CNTNAP2: variants seen among roughly 807,000 people sequenced by gnomAD.
CNTNAP2 encodes contactin-associated protein-like 2.
A neutral mutation model predicts 155.2 loss-of-function variants in CNTNAP2; 98 were observed. The observed-to-expected ratio is 0.63, with a 90% CI of 0.54 to 0.75. The LOEUF (loss-of-function observed/expected upper bound fraction) is 0.75. Ranked by LOEUF, CNTNAP2 falls within the 30% of genes least tolerant of loss-of-function variation. CNTNAP2 has a pLI of 0.00. For synonymous variants in CNTNAP2, 651 were observed against 631.2 expected, an observed-to-expected ratio of 1.03 and a Z score of -0.47; for missense variants, 1,727 against 1,688.1, an observed-to-expected ratio of 1.02 and a Z score of -0.40.
At chr7:147,983,193 G>A (rs146169700) in intron 15 of CNTNAP2, among the ~76,000 whole-genome samples, 72 of 152,200 alleles carry the variant, frequency 4.7e-4, no homozygotes, top group African/African-American at 1.7e-3. Context: ...AGTGAATAGG[G>A]ACTGAAGGAG....
intron 10 of CNTNAP2, among the ~76,000 whole-genome samples, chr7:147,449,234 C>T (rs1333595500): frequency 6.6e-6 from 1 of 152,014 alleles, no homozygotes; most frequent in African/African-American, 2.4e-5. Flanking sequence ...CATTTGCAGT[C>T]TATCTGTAAC....
chr7:147,186,554 T>A (rs1018814793), intron 8 of CNTNAP2, among the ~76,000 whole-genome samples: 2 of 152,068 alleles, frequency 1.3e-5, no homozygotes, highest in Admixed American at 6.6e-5. Flanking sequence ...TTTGGACCCT[T>A]TATAGAGGGA....
At chr7:146,356,640 A>G (rs1285227495) in intron 1 of CNTNAP2, among the ~76,000 whole-genome samples, 1 of 152,172 alleles carries the variant, frequency 6.6e-6, no homozygotes, top group Non-Finnish European at 1.5e-5. Flanking sequence ...ATGATGCAAA[A>G]TGGATAAATG....
intron 13 of CNTNAP2, among the ~76,000 whole-genome samples, chr7:147,848,604 GC>G (rs1563109760): frequency 1.3e-5 from 2 of 151,896 alleles, no homozygotes; most frequent in Non-Finnish European, 2.9e-5. Context: ...TTCCTATTCG[GC>G]CATCTTGGCT....
chr7:147,987,714 A>G (rs1801643303), intron 15 of CNTNAP2, among the ~76,000 whole-genome samples: 2 of 151,986 alleles, frequency 1.3e-5, no homozygotes, highest in South Asian at 4.1e-4. Flanking sequence ...TTATTTTTTG[A>G]GACAGAGTCT....
chr7:146,944,673 T>C (rs1277422130), intron 3 of CNTNAP2, among the ~76,000 whole-genome samples: 3 of 152,056 alleles, frequency 2.0e-5, no homozygotes, highest in Non-Finnish European at 2.9e-5. Flanking sequence ...GGTCATGAGA[T>C]GGAGACCATC....
chr7:146,172,469 A>G (rs1420350768), intron 1 of CNTNAP2, among the ~76,000 whole-genome samples: 1 of 152,134 alleles, frequency 6.6e-6, no homozygotes, highest in Non-Finnish European at 1.5e-5. Context: ...AGATTTCTCT[A>G]CATTCCAAAA....
At chr7:146,848,515 T>C (rs1451402339) in intron 3 of CNTNAP2, among the ~76,000 whole-genome samples, 1 of 152,116 alleles carries the variant, frequency 6.6e-6, no homozygotes, top group Non-Finnish European at 1.5e-5. Context: ...ACTGTTCAAA[T>C]AGAGAGGTGC....
intron 15 of CNTNAP2, among the ~76,000 whole-genome samples, chr7:148,093,576 G>T (rs1217379115): frequency 2.6e-5 from 4 of 152,190 alleles, no homozygotes; most frequent in Admixed American, 6.5e-5. Context: ...TCAGGAAGCT[G>T]GGGCCATGGA....
intron 1 of CNTNAP2, among the ~76,000 whole-genome samples, chr7:146,547,549 A>C (rs2129142089): frequency 6.6e-6 from 1 of 152,028 alleles, no homozygotes; most frequent in South Asian, 2.1e-4. Context: ...TGGCTATTTT[A>C]GGTACCTCCT....
At chr7:147,291,097 C>T (rs1189028395) in intron 8 of CNTNAP2, among the ~76,000 whole-genome samples, 1 of 152,040 alleles carries the variant, frequency 6.6e-6, no homozygotes, top group East Asian at 1.9e-4. Flanking sequence ...CACTTGTGCC[C>T]ACCTTCCCAT....
chr7:146,651,823 G>A (rs1049090669), intron 1 of CNTNAP2, among the ~76,000 whole-genome samples: 1 of 152,062 alleles, frequency 6.6e-6, no homozygotes, highest in Non-Finnish European at 1.5e-5. Context: ...ATTTGTATGT[G>A]GGTTTTCATG....
chr7:146,301,763 G>T (rs889572614), intron 1 of CNTNAP2, among the ~76,000 whole-genome samples: 1 of 152,116 alleles, frequency 6.6e-6, no homozygotes, highest in Non-Finnish European at 1.5e-5. Flanking sequence ...GTGGTGCAAG[G>T]AATTTTCTGG....
intron 1 of CNTNAP2, among the ~76,000 whole-genome samples, chr7:146,140,079 A>G (rs1169302368): frequency 1.3e-5 from 2 of 151,960 alleles, no homozygotes; most frequent in Non-Finnish European, 2.9e-5. Flanking sequence ...TGTCCCTCCC[A>G]CCCTTTCATT....
chr7:147,467,466 T>C (rs1190525208), intron 10 of CNTNAP2, among the ~76,000 whole-genome samples: 1 of 152,216 alleles, frequency 6.6e-6, no homozygotes, highest in Non-Finnish European at 1.5e-5. Context: ...AACTCACTTA[T>C]AAGTTAGAGC....
chr7:146,227,502 T>A (rs192986852), intron 1 of CNTNAP2, among the ~76,000 whole-genome samples: 3 of 151,504 alleles, frequency 2.0e-5, no homozygotes, highest in Non-Finnish European at 4.4e-5. Context: ...ATTGGTTGAC[T>A]CTAGTTATTG....
At chr7:146,901,974 C>T (rs965986777) in intron 3 of CNTNAP2, among the ~76,000 whole-genome samples, 25 of 145,134 alleles carry the variant, frequency 1.7e-4, no homozygotes, top group African/African-American at 6.3e-4. Flanking sequence ...CTCCCGGGTT[C>T]ACGCCATTCT....
At chr7:147,421,329 A>G (rs1484691040) in intron 10 of CNTNAP2, among the ~76,000 whole-genome samples, 2 of 152,266 alleles carry the variant, frequency 1.3e-5, no homozygotes, top group African/African-American at 4.8e-5. Context: ...CTGCTGTGAT[A>G]TAATTTGATA....
chr7:147,939,662 T>C (rs1017373741), intron 14 of CNTNAP2, among the ~76,000 whole-genome samples: 2 of 152,162 alleles, frequency 1.3e-5, no homozygotes, highest in African/African-American at 4.8e-5. Flanking sequence ...CCTGTAGTTC[T>C]AGCAGGGAAA....
Sources: gnomAD v4.1 joint callset for allele counts (sites outside exome capture counted in the v4.1 genomes callset) on GRCh38, gnomAD v4.1.1 for gene constraint, MANE v1.5 for transcripts, NCBI Gene and HGNC (gene_info 2026-07-23, HGNC 2026-07-21) for gene names.